CPS1: variants seen among roughly 807,000 people sequenced by gnomAD.
CPS1 encodes the protein carbamoyl-phosphate synthase [ammonia], mitochondrial.
In CPS1, 109 loss-of-function variants were observed where a neutral mutation model predicts 174.6. That is an observed-to-expected ratio of 0.62 (90% CI 0.53 to 0.73). The LOEUF is 0.73. Among genes scored for constraint, CPS1 ranks in the 30% least tolerant of loss-of-function variants. The pLI is 0.00. For missense variants in CPS1, 1,689 were observed against 1,821.9 expected, an observed-to-expected ratio of 0.93 and a Z score of 1.33; for synonymous variants, 637 against 632.0, an observed-to-expected ratio of 1.01 and a Z score of -0.12.
intron 25 of CPS1, among the ~76,000 whole-genome samples, chr2:210,646,416 A>G (rs919828033): frequency 2.6e-5 from 4 of 152,354 alleles, no homozygotes; most frequent in Admixed American, 2.6e-4. Context: ...AATGCCTTTA[A>G]GCACTCAATT....
chr2:210,657,942 G>A lies in CPS1; in HGVS notation c.3667-657G>A, dbSNP rs572625106. 1.1e-4 allele frequency among the ~76,000 whole-genome samples: 16 copies of A among 152,288 alleles called. No individual in the cohort carries two copies. The South Asian group carries it at 3.3e-3, about 32-fold the overall frequency. On this transcript the variant is annotated intron_variant, in intron 30 of 37. Coordinates refer to ENST00000233072, the MANE Select transcript of CPS1 (RefSeq NM_001875.5). Reference sequence around the variant, plus strand: ...CTCAATGTGTCATAGACTCTACTTCGTTTTATACCCAATTACATTGCTGAA... The same window carrying A: ...CTCAATGTGTCATAGACTCTACTTCATTTTATACCCAATTACATTGCTGAA...
At chr2:210,491,517 G>T (rs1042822917) in intron 1 of CPS1, among the ~76,000 whole-genome samples, 1 of 151,994 alleles carries the variant, frequency 6.6e-6, no homozygotes, top group African/African-American at 2.4e-5. Context: ...GTTTCACTAT[G>T]TTAGCCAGGA....
intron 1 of CPS1, among the ~76,000 whole-genome samples, chr2:210,543,755 T>C (rs140338512): frequency 2.4e-4 from 37 of 152,250 alleles, no homozygotes; most frequent in African/African-American, 7.5e-4. Flanking sequence ...TTTGGGACCA[T>C]GTCATTTCAT....
intron 21 of CPS1, among the ~76,000 whole-genome samples, chr2:210,621,515 G>A (rs1477561216): frequency 4.6e-5 from 7 of 152,012 alleles, no homozygotes; most frequent in Admixed American, 6.6e-5. Flanking sequence ...TCCCAATGCC[G>A]ACGCTTTCAC....
upstream of CPS1, among the ~76,000 whole-genome samples, chr2:210,554,836 T>TACACACACAC (rs3060397): frequency 0.018 from 2,727 of 147,852 alleles, 38 homozygotes; most frequent in Non-Finnish European, 0.026. Context: ...CAACCCTCAC[T>TACACACACAC]ACACACACAC....
At chr2:210,639,720 A>G (rs1284297568) in intron 23 of CPS1, among the ~76,000 whole-genome samples, 1 of 152,100 alleles carries the variant, frequency 6.6e-6, no homozygotes, top group Non-Finnish European at 1.5e-5. Flanking sequence ...TAATGAAATC[A>G]AACAAATGAA....
At chr2:210,517,395 C>T (rs139158198) in intron 1 of CPS1, among the ~76,000 whole-genome samples, 46 of 152,036 alleles carry the variant, frequency 3.0e-4, no homozygotes, top group African/African-American at 1.1e-3. Context: ...TTCTATTTGT[C>T]GATGATAAGA....
chr2:210,483,002 CAT>C (rs1179823033), intron 1 of CPS1, among the ~76,000 whole-genome samples: 1 of 152,100 alleles, frequency 6.6e-6, no homozygotes, highest in East Asian at 1.9e-4. Flanking sequence ...GAAACTTAAA[CAT>C]ATTTTGCGCA....
intron 24 of CPS1, among the ~76,000 whole-genome samples, chr2:210,640,393 A>G (rs915632528): frequency 1.3e-5 from 2 of 152,174 alleles, no homozygotes; most frequent in African/African-American, 4.8e-5. Flanking sequence ...AGTTTTTCAT[A>G]AGGATCTACA....
intron 1 of CPS1, among the ~76,000 whole-genome samples, chr2:210,570,585 A>T (rs1460053779): frequency 6.6e-6 from 1 of 151,992 alleles, no homozygotes; most frequent in Non-Finnish European, 1.5e-5. Flanking sequence ...GCACAGATAA[A>T]CTGATATGTA....
chr2:210,582,040 T>C (rs1697937951), intron 5 of CPS1, among the ~76,000 whole-genome samples: 1 of 152,184 alleles, frequency 6.6e-6, no homozygotes, highest in African/African-American at 2.4e-5. Flanking sequence ...GTGAAAACTT[T>C]ACAGAGGGTT....
chr2:210,517,312 C>G (rs919366301), intron 1 of CPS1, among the ~76,000 whole-genome samples: 1 of 152,012 alleles, frequency 6.6e-6, no homozygotes, highest in Middle Eastern at 3.4e-3. Context: ...CTTAAGGTCT[C>G]CAAACCAGAG....
chr2:210,631,631 T>G (rs1699875352), intron 21 of CPS1, among the ~76,000 whole-genome samples: 2 of 152,210 alleles, frequency 1.3e-5, no homozygotes, highest in South Asian at 4.1e-4. Flanking sequence ...AAACTGAAGA[T>G]TATGAAAAGG....
At chr2:210,666,457 T>G (rs1427271462) in intron 33 of CPS1, among the ~76,000 whole-genome samples, 2 of 152,008 alleles carry the variant, frequency 1.3e-5, no homozygotes, top group Admixed American at 6.6e-5. Context: ...TTTATGGTTT[T>G]AGGTCTAACG....
chr2:210,509,848 ACAAACCACTGCT>A (rs1458108423), intron 1 of CPS1, among the ~76,000 whole-genome samples: 2 of 152,194 alleles, frequency 1.3e-5, no homozygotes, highest in African/African-American at 4.8e-5. Context: ...AAGGAGAACT[ACAAACCACTGCT>A]CAATGAAAAT....
intron 4 of CPS1, 76 bp from the exon 5 acceptor site, chr2:210,579,638 A>G: frequency 8.4e-7 from 1 of 1,194,210 alleles, no homozygotes; most frequent in Non-Finnish European, 1.3e-6. Flanking sequence ...AGATGAGGCC[A>G]AGTTTGTAAC....
At chr2:210,526,979 C>T (rs915994524) in intron 1 of CPS1, among the ~76,000 whole-genome samples, 2 of 151,796 alleles carry the variant, frequency 1.3e-5, no homozygotes, top group Admixed American at 6.6e-5. Flanking sequence ...AGAAATATTA[C>T]GTTGGTGCAA....
rs550650518 is a variant in CPS1 at position 210,481,151 on chromosome 2, A to C, written c.3+3385A>C. ...TGCTGGGGTTTCCTTGGGAGATTAA[A>C]AAAGATTGTGAGTCCAGAAAGTTGG... On this transcript the variant is annotated intron_variant, in intron 1 of 38. Coordinates refer to the CPS1 transcript ENST00000430249. 2.6e-5 allele frequency among the ~76,000 whole-genome samples: 4 copies of C among 152,332 alleles called. No individual in the cohort carries two copies. The South Asian group carries it at 8.3e-4, about 32-fold the overall frequency.
chr2:210,500,560 AG>A (rs1240208371), intron 1 of CPS1, among the ~76,000 whole-genome samples: 1 of 152,202 alleles, frequency 6.6e-6, no homozygotes, highest in Non-Finnish European at 1.5e-5. Context: ...GACATTCAAT[AG>A]GGCAGTCATT....
Sources: allele counts gnomAD v4.1 joint callset (sites outside exome capture counted in the v4.1 genomes callset), GRCh38; gene constraint gnomAD v4.1.1; transcripts MANE v1.5; gene names NCBI Gene and HGNC (gene_info 2026-07-23, HGNC 2026-07-21).